PLXNA2: variants seen among roughly 807,000 people sequenced by gnomAD.
PLXNA2 encodes the protein plexin-A2.
PLXNA2 carries 91 observed loss-of-function variants against 193.5 expected under a neutral mutation model. That is an observed-to-expected ratio of 0.47 (90% CI 0.40 to 0.56). The LOEUF is 0.56. PLXNA2 is among the 20% of genes least tolerant of loss of function. PLXNA2 has a pLI of 0.00. For missense variants in PLXNA2, 1,995 were observed against 2,503.2 expected, an observed-to-expected ratio of 0.80 and a Z score of 4.33; for synonymous variants, 997 against 1,027.3, an observed-to-expected ratio of 0.97 and a Z score of 0.56.
In PLXNA2 at chr1:208,081,344, T is replaced by G. The variant is rs186447848; in HGVS notation, c.2395+1068A>C. On this transcript the variant is annotated intron_variant, in intron 11 of 31. Coordinates refer to ENST00000367033, the MANE Select transcript of PLXNA2 (RefSeq NM_025179.4). ...AAGATGCTGAAAAACTTGCAGCCCC[T>G]GCTATGGCCTTGCCCCCTACCCCAT... Among the ~76,000 whole-genome samples the G allele has an allele frequency of 2.0e-5, 3 of 152,332 alleles. 1 individual carries two copies. The highest frequency in any genetic ancestry group is 2.0e-4 in the Admixed American group (3 of 15,300).
At chr1:208,106,636 G>T (rs1247357740) in intron 4 of PLXNA2, among the ~76,000 whole-genome samples, 1 of 151,802 alleles carries the variant, frequency 6.6e-6, no homozygotes, top group Non-Finnish European at 1.5e-5. Context: ...GAGAGGAAAA[G>T]AAAAAAGGGA....
chr1:208,090,952 C>G (rs1291262926), intron 9 of PLXNA2, among the ~76,000 whole-genome samples: 1 of 152,210 alleles, frequency 6.6e-6, no homozygotes, highest in Non-Finnish European at 1.5e-5. Context: ...CCACTCCCAC[C>G]TCTCCCTGCA....
chr1:208,228,649 G>A, intron 1 of PLXNA2, among the ~76,000 whole-genome samples: 1 of 152,132 alleles, frequency 6.6e-6, no homozygotes, highest in East Asian at 1.9e-4. Flanking sequence ...ACTCAGCACT[G>A]CTAAGCACCC....
intron 10 of PLXNA2, among the ~76,000 whole-genome samples, chr1:208,083,904 C>T (rs557169361): frequency 2.6e-5 from 4 of 151,912 alleles, no homozygotes; most frequent in African/African-American, 9.7e-5. Context: ...TGGTTATTCA[C>T]TCCCTGAATG....
intron 3 of PLXNA2, among the ~76,000 whole-genome samples, chr1:208,167,494 A>G (rs192872374): frequency 3.9e-5 from 6 of 152,348 alleles, no homozygotes; most frequent in Admixed American, 3.9e-4. Context: ...AATGAGAACC[A>G]GAATGGCCTT....
At position 208,193,317 on chromosome 1, in the gene PLXNA2, C is replaced by T. The variant is rs115497668; in HGVS notation, c.1371+16963G>A. Among the ~76,000 whole-genome samples the T allele has an allele frequency of 9.1e-3, 1,390 of 152,280 alleles. 28 individuals carry two copies. Among genetic ancestry groups the T allele is most frequent in the African/African-American group, 0.032 (1,336 of 41,566 alleles). On this transcript the variant is annotated intron_variant, in intron 3 of 31. Transcript: ENST00000367033. The stretch of plus-strand genomic sequence containing the variant: ...CTCATAGCCCTAGGGCCCCTTGGTG[C>T]CAGAGATGATTTGTGCCTCAGTTTC...
chr1:208,215,098 C>T (rs997338670), intron 2 of PLXNA2, among the ~76,000 whole-genome samples: 2 of 152,074 alleles, frequency 1.3e-5, no homozygotes, highest in African/African-American at 4.8e-5. Context: ...CTGCAACCTC[C>T]ACCTCCCATG....
At chr1:208,098,282 G>A (rs1292341842) in intron 6 of PLXNA2, among the ~76,000 whole-genome samples, 1 of 152,158 alleles carries the variant, frequency 6.6e-6, no homozygotes, top group Non-Finnish European at 1.5e-5. Context: ...AAAACCTTCA[G>A]AATGAAATAA....
rs201832295 is a variant in PLXNA2 at position 208,201,931 on chromosome 1, T to C, written c.1371+8349A>G. On this transcript the variant is annotated intron_variant, in intron 3 of 31. Transcript: ENST00000367033. ...ATATATTGTGATTACTTACTTTGTTTGTCTGACTTCCCACATTCAGATAAT... is the reference window on the plus strand; with the variant it reads ...ATATATTGTGATTACTTACTTTGTTCGTCTGACTTCCCACATTCAGATAAT... Among the ~76,000 whole-genome samples, 20 of 152,282 alleles carry C rather than the reference T, an allele frequency of 1.3e-4. No homozygotes were observed. The East Asian group carries it at 3.7e-3, about 28-fold the overall frequency.
intron 3 of PLXNA2, among the ~76,000 whole-genome samples, chr1:208,163,722 A>C (rs964335038): frequency 6.6e-6 from 1 of 152,198 alleles, no homozygotes; most frequent in Non-Finnish European, 1.5e-5. Flanking sequence ...AACTTTGGAC[A>C]TCTCTACAAC....
chr1:208,118,244 G>A (rs1413566025), intron 4 of PLXNA2, among the ~76,000 whole-genome samples: 1 of 152,120 alleles, frequency 6.6e-6, no homozygotes, highest in Non-Finnish European at 1.5e-5. Flanking sequence ...AGAAAACTGT[G>A]GACACCAATC....
In PLXNA2 at chr1:208,124,863, T is replaced by C. The variant is rs572529744; in HGVS notation, c.1506+17466A>G. ...ATTGTCCACAGCTAGGCCAAGCTGG[T>C]GTCACAGCGTCCTTAGTGGCCAGGC... On this transcript the variant is annotated intron_variant, in intron 4 of 31. Transcript: ENST00000367033. Among the ~76,000 whole-genome samples the C allele has an allele frequency of 7.9e-5, 12 of 152,160 alleles. No individual in the cohort carries two copies. The South Asian group carries it at 8.3e-4, about 11-fold the overall frequency.
chr1:208,196,470 A>T (rs1297699719), intron 3 of PLXNA2, among the ~76,000 whole-genome samples: 3 of 152,210 alleles, frequency 2.0e-5, no homozygotes, highest in Non-Finnish European at 2.9e-5. Context: ...TGTGGGGCAG[A>T]CAACAGAAGT....
intron 3 of PLXNA2, among the ~76,000 whole-genome samples, chr1:208,154,442 C>T (rs1195484609): frequency 6.6e-6 from 1 of 152,198 alleles, no homozygotes; most frequent in East Asian, 1.9e-4. Flanking sequence ...GTTGGCACTA[C>T]CTAGGATTCA....
chr1:208,217,074 G>A lies in PLXNA2; in HGVS notation c.849C>T (p.Leu283=), dbSNP rs1671156016. ...DLFYTSRIVR[L]CKDDPKFHSY... is the part of the protein sequence containing the mutation. Reference sequence around the variant, plus strand: ...AGTGGAACTTGGGGTCATCCTTGCAGAGCCGCACGATGCGTGAGGTGTAGA... The same window carrying A: ...AGTGGAACTTGGGGTCATCCTTGCAAAGCCGCACGATGCGTGAGGTGTAGA... The change falls in exon 2 of 32, where the codon CTC becomes CTT. Residue 283 remains leucine (L), a synonymous_variant. Coordinates refer to ENST00000367033, the MANE Select transcript of PLXNA2 (RefSeq NM_025179.4). The surrounding 1 kb of genome is among the most constrained non-coding windows in gnomAD (Gnocchi z 4.7). 3 of 1,614,004 alleles carry A rather than the reference G, an allele frequency of 1.9e-6. No homozygotes were observed. In the South Asian group the frequency reaches 3.3e-5, roughly 18 times the overall value.
intron 4 of PLXNA2, among the ~76,000 whole-genome samples, chr1:208,111,315 C>G (rs1396741370): frequency 6.6e-6 from 1 of 152,126 alleles, no homozygotes. Context: ...GGCTCTCCTA[C>G]CTCTGGCTCC....
chr1:208,210,436 A>G lies in PLXNA2; in HGVS notation c.1215T>C (p.Cys405=), dbSNP rs1670900889. Residue 405 remains cysteine, a synonymous_variant, in exon 3 of 32, where the codon TGT becomes TGC. Coordinates refer to ENST00000367033, the MANE Select transcript of PLXNA2 (RefSeq NM_025179.4). ...CCAGGGGCTGGTTGATGTCCAGTCC[A>G]CAGAAGTTATCATCGATGGGGACAG... ...KAPVPIDDNF[C]GLDINQPLGG... 6.2e-7 allele frequency: 1 copy of G among 1,613,428 alleles called. No individual in the cohort carries two copies. Among genetic ancestry groups the G allele is most frequent in the Non-Finnish European group, 8.5e-7 (1 of 1,179,556 alleles).
At chr1:208,051,152 C>A (rs747337152) in intron 16 of PLXNA2, 50 bp from the exon 17 acceptor site, 4 of 1,594,498 alleles carry the variant, frequency 2.5e-6, no homozygotes, top group African/African-American at 2.7e-5. Context: ...TCAAATCTGG[C>A]ATGGTGAACC....
chr1:208,149,871 G>A (rs1004179486), intron 3 of PLXNA2, among the ~76,000 whole-genome samples: 5 of 151,964 alleles, frequency 3.3e-5, no homozygotes, highest in East Asian at 1.9e-4. Context: ...TCTCACATAC[G>A]CATTCAACAG....
Sources: gnomAD v4.1 joint callset for allele counts (sites outside exome capture counted in the v4.1 genomes callset) on GRCh38, gnomAD v4.1.1 for gene constraint, Gnocchi (gnomAD v3.1) non-coding constraint, MANE v1.5 for transcripts, NCBI Gene and HGNC (gene_info 2026-07-23, HGNC 2026-07-21) for gene names.